Variants in ASIC2 observed in about 807,000 individuals in gnomAD.
ASIC2 encodes acid-sensing ion channel 2.
Under a neutral mutation model 57.3 loss-of-function variants are expected in ASIC2, and 25 were observed. The ratio of observed to expected loss-of-function variants is 0.44; its 90% CI spans 0.32 to 0.61. The LOEUF is 0.61. Ranked by LOEUF, ASIC2 falls within the 20% of genes least tolerant of loss-of-function variation. The pLI is 0.06. For synonymous variants in ASIC2, 319 were observed against 307.5 expected (o/e 1.04, Z -0.39); for missense variants, 641 against 738.1 (o/e 0.87, Z 1.52).
At chr17:33,996,952 G>A (rs12450025) in intron 1 of ASIC2, among the ~76,000 whole-genome samples, 20,060 of 152,072 alleles carry the variant, frequency 0.13, 1,548 homozygotes, top group East Asian at 0.34. Flanking sequence ...TGGATAGCAT[G>A]GGCATTTTTA....
chr17:33,252,477 T>G (rs756158084), intron 1 of ASIC2, among the ~76,000 whole-genome samples: 29 of 152,232 alleles, frequency 1.9e-4, no homozygotes, highest in Admixed American at 1.4e-3. Context: ...GAAAGGACAA[T>G]GGCAAAAGCG....
At chr17:33,701,528 A>G (rs973168471) in intron 1 of ASIC2, among the ~76,000 whole-genome samples, 1 of 152,196 alleles carries the variant, frequency 6.6e-6, no homozygotes, top group Non-Finnish European at 1.5e-5. Flanking sequence ...AGTAGGTCTG[A>G]GTCTATCTCC....
chr17:33,855,275 A>T (rs541281032), intron 1 of ASIC2, among the ~76,000 whole-genome samples: 1 of 152,298 alleles, frequency 6.6e-6, no homozygotes, highest in African/African-American at 2.4e-5. Flanking sequence ...CTGCCCCCTC[A>T]ACTGGGTCTG....
rs114987626 is a variant in ASIC2 at position 33,563,452 on chromosome 17, C to A, written c.556-451385G>T. Among the ~76,000 whole-genome samples, 299 of 152,322 alleles carry A rather than the reference C, an allele frequency of 2.0e-3. 4 individuals are homozygous for A. Among genetic ancestry groups the A allele is most frequent in the African/African-American group, 7.0e-3 (289 of 41,562 alleles). On this transcript the variant is annotated intron_variant, in intron 1 of 9. Transcript: ENST00000359872. ...CTTCTGATTCTTGCATTTGAGGCAT[C>A]TGTAAAAATGTATAGCTCTACCTCC...
chr17:33,906,105 C>T (rs1597924623), intron 1 of ASIC2, among the ~76,000 whole-genome samples: 1 of 148,714 alleles, frequency 6.7e-6, no homozygotes, highest in Admixed American at 6.8e-5. Flanking sequence ...GGATTACAAG[C>T]GTGAGCCATC....
rs183188882 is a variant in ASIC2 at position 33,609,124 on chromosome 17, C to T, written c.556-497057G>A. Among the ~76,000 whole-genome samples the T allele has an allele frequency of 2.2e-3, 329 of 152,298 alleles. 2 individuals carry two copies. Among genetic ancestry groups the T allele is most frequent in the African/African-American group, 7.6e-3 (315 of 41,570 alleles). ...CCTATCTCTTTGGACGCTGTTGTGA[C>T]TTAACCATCATCTCCCACCTGAACT... On this transcript the variant is annotated intron_variant, in intron 1 of 9. Coordinates refer to the ASIC2 transcript ENST00000359872.
intron 1 of ASIC2, among the ~76,000 whole-genome samples, chr17:33,632,689 C>T (rs1168786155): frequency 6.6e-6 from 1 of 152,144 alleles, no homozygotes; most frequent in East Asian, 1.9e-4. Context: ...GCCTCAGGCT[C>T]CCAAAGTGCA....
intron 1 of ASIC2, among the ~76,000 whole-genome samples, chr17:33,594,591 G>A (rs1904922923): frequency 6.6e-6 from 1 of 152,178 alleles, no homozygotes; most frequent in Admixed American, 6.5e-5. Context: ...CACTGTGGGA[G>A]GCTGAGGCAG....
At chr17:34,151,492 G>A (rs909710800) in intron 1 of ASIC2, among the ~76,000 whole-genome samples, 6 of 152,332 alleles carry the variant, frequency 3.9e-5, no homozygotes, top group South Asian at 4.1e-4. Context: ...CATTCCTGGC[G>A]TGGGGAGAGG....
rs112559870 is a variant in ASIC2 at position 33,265,865 on chromosome 17, T to C, written c.708+25543A>G. Reference sequence around the variant, plus strand: ...GGAAGATCTCTATGTTCAAAGTATATTGACCCTCTTCTCAACCTCATCTTG... The same window carrying C: ...GGAAGATCTCTATGTTCAAAGTATACTGACCCTCTTCTCAACCTCATCTTG... On this transcript the variant is annotated intron_variant, in intron 1 of 9. Transcript: ENST00000225823. 2.6e-3 allele frequency among the ~76,000 whole-genome samples: 399 copies of C among 152,190 alleles called. 5 individuals carry two copies. The highest frequency in any genetic ancestry group is 9.4e-3 in the African/African-American group (389 of 41,494).
At chr17:33,620,487 G>T (rs770156234) in intron 1 of ASIC2, among the ~76,000 whole-genome samples, 1 of 152,156 alleles carries the variant, frequency 6.6e-6, no homozygotes, top group Non-Finnish European at 1.5e-5. Context: ...AGGGATTTGG[G>T]ATTGCTTTGT....
At position 33,058,746 on chromosome 17, in the gene ASIC2, C is replaced by G. The variant is rs544062410; in HGVS notation, c.987+30117G>C. Among the ~76,000 whole-genome samples, 149 of 152,206 alleles carry G rather than the reference C, an allele frequency of 9.8e-4. 1 individual carries two copies. Among genetic ancestry groups the G allele is most frequent in the African/African-American group, 2.9e-3 (122 of 41,530 alleles). ...AGAGACTTGCAAATGCTCATTACCC[C>G]TGATGCAGTCATCTCACCTTTCCAG... On this transcript the variant is annotated intron_variant, in intron 3 of 9. Transcript: ENST00000225823.
intron 1 of ASIC2, among the ~76,000 whole-genome samples, chr17:33,197,262 G>T (rs1906671054): frequency 6.6e-6 from 1 of 152,196 alleles, no homozygotes; most frequent in Non-Finnish European, 1.5e-5. Flanking sequence ...AGCTTAGGGG[G>T]TTTAGCACCT....
intron 1 of ASIC2, among the ~76,000 whole-genome samples, chr17:33,893,087 G>A (rs1249563516): frequency 6.6e-6 from 1 of 152,166 alleles, no homozygotes; most frequent in Non-Finnish European, 1.5e-5. Flanking sequence ...TACTATGGAA[G>A]GGAAATAAAA....
chr17:33,358,054 GAT>G (rs1908454380), intron 1 of ASIC2, among the ~76,000 whole-genome samples: 2 of 152,160 alleles, frequency 1.3e-5, no homozygotes, highest in African/African-American at 4.8e-5. Flanking sequence ...ATATATTCTG[GAT>G]CTGGGGGTTG....
At chr17:33,622,766 T>G (rs1020391202) in intron 1 of ASIC2, among the ~76,000 whole-genome samples, 5 of 152,220 alleles carry the variant, frequency 3.3e-5, no homozygotes, top group South Asian at 4.1e-4. Flanking sequence ...ATGTCTGCTT[T>G]CTTTCTTCCA....
chr17:34,073,360 A>G (rs1190916906), intron 1 of ASIC2, among the ~76,000 whole-genome samples: 1 of 152,232 alleles, frequency 6.6e-6, no homozygotes, highest in Non-Finnish European at 1.5e-5. Flanking sequence ...ATAGCCCACA[A>G]GCTATAGTTT....
intron 1 of ASIC2, among the ~76,000 whole-genome samples, chr17:33,585,304 C>T (rs1253521253): frequency 6.6e-6 from 1 of 152,140 alleles, no homozygotes; most frequent in African/African-American, 2.4e-5. Context: ...AGTCCCAGGA[C>T]CTCTGGCCCT....
chr17:33,040,425 C>T (rs1245158052), intron 3 of ASIC2, among the ~76,000 whole-genome samples: 2 of 152,178 alleles, frequency 1.3e-5, no homozygotes, highest in African/African-American at 4.8e-5. Flanking sequence ...GGAATTGTAA[C>T]CTCTCAGCCT....
Sources: allele counts gnomAD v4.1 joint callset (sites outside exome capture counted in the v4.1 genomes callset), GRCh38; gene constraint gnomAD v4.1.1; transcripts MANE v1.5; gene names NCBI Gene and HGNC (gene_info 2026-07-23, HGNC 2026-07-21).